HEPACAM2: variants seen among roughly 807,000 people sequenced by gnomAD.
HEPACAM2 encodes the protein HEPACAM family member 2.
In HEPACAM2, 49 loss-of-function variants were observed where a neutral mutation model predicts 49.6. That is an observed-to-expected ratio of 0.99 (90% CI 0.78 to 1.25). The LOEUF is 1.25. Ranked by LOEUF, HEPACAM2 falls within the 50% of genes most tolerant of loss-of-function variation. The pLI is 0.00. For synonymous variants in HEPACAM2, 197 were observed against 202.9 expected, an observed-to-expected ratio of 0.97 and a Z score of 0.25; for missense variants, 525 against 557.2, an observed-to-expected ratio of 0.94 and a Z score of 0.58.
In HEPACAM2 at chr7:93,198,267, C is replaced by A. The variant is rs181601659; in HGVS notation, c.1013-657G>T. Among the ~76,000 whole-genome samples, 1,027 of 152,114 alleles carry A rather than the reference C, an allele frequency of 6.8e-3. 2 individuals are homozygous for A. Among genetic ancestry groups the A allele is most frequent in the Non-Finnish European group, 0.011 (775 of 67,970 alleles). On this transcript the variant is annotated intron_variant, in intron 4 of 9. Transcript: ENST00000394468. ...TTTATTAATATCACTATATAAAATA[C>A]GGTGCTAATAACATCTGCTCTGTTC...
intron 4 of HEPACAM2, among the ~76,000 whole-genome samples, chr7:93,203,948 G>A (rs1793960614): frequency 2.0e-5 from 3 of 152,102 alleles, no homozygotes; most frequent in Admixed American, 1.3e-4. Flanking sequence ...TGCTCATGGA[G>A]ACATCACCTT....
intron 3 of HEPACAM2, among the ~76,000 whole-genome samples, chr7:93,213,264 T>C (rs1355289593): frequency 1.3e-5 from 2 of 152,134 alleles, no homozygotes; most frequent in East Asian, 3.9e-4. Flanking sequence ...TGCAAGTAGA[T>C]ACTTGTCTGA....
intron 4 of HEPACAM2, among the ~76,000 whole-genome samples, chr7:93,203,621 C>T (rs1205263065): frequency 6.6e-6 from 1 of 152,108 alleles, no homozygotes; most frequent in African/African-American, 2.4e-5. Context: ...AGTGCAAATG[C>T]TATTTGCCTC....
upstream of HEPACAM2, among the ~76,000 whole-genome samples, chr7:93,228,390 G>A (rs959443395): frequency 2.0e-4 from 30 of 152,136 alleles, no homozygotes; most frequent in African/African-American, 7.2e-4. Flanking sequence ...GGCACATCTA[G>A]GGAAAGGGCT....
At chr7:93,199,972 G>T (rs749051229) in intron 4 of HEPACAM2, among the ~76,000 whole-genome samples, 9 of 151,702 alleles carry the variant, frequency 5.9e-5, no homozygotes, top group Non-Finnish European at 1.3e-4. Context: ...TTTTCTAGTG[G>T]TGTTTCTATT....
intron 1 of HEPACAM2, among the ~76,000 whole-genome samples, chr7:93,220,457 G>A (rs1794426008): frequency 6.6e-6 from 1 of 152,194 alleles, no homozygotes; most frequent in Admixed American, 6.5e-5. Flanking sequence ...TTCTTGACTC[G>A]GACCAACTGG....
intron 4 of HEPACAM2, among the ~76,000 whole-genome samples, chr7:93,206,746 G>A (rs1794039334): frequency 6.6e-6 from 1 of 151,994 alleles, no homozygotes; most frequent in Admixed American, 6.6e-5. Context: ...AATGAACAGT[G>A]CATTTTCTTC....
chr7:93,200,954 C>G (rs1046632267), intron 4 of HEPACAM2, among the ~76,000 whole-genome samples: 2 of 152,072 alleles, frequency 1.3e-5, no homozygotes, highest in African/African-American at 4.8e-5. Context: ...CATACCCACA[C>G]TAACTCAGAC....
chr7:93,214,679 C>T (rs548739871), intron 3 of HEPACAM2, among the ~76,000 whole-genome samples: 1 of 152,072 alleles, frequency 6.6e-6, no homozygotes, highest in Non-Finnish European at 1.5e-5. Context: ...TTATGGTTTT[C>T]TCTCCCATTT....
rs146121392 is a variant in HEPACAM2 at position 93,193,216 on chromosome 7, G to T, written c.1276-853C>A. The stretch of plus-strand genomic sequence containing the variant: ...TATCTCATGTTAATTTGACCTGCTA[G>T]GTTTTAGTGGAACATCTTAGCTTTT... On this transcript the variant is annotated intron_variant, in intron 8 of 9. Transcript: ENST00000394468. 3.9e-5 allele frequency among the ~76,000 whole-genome samples: 6 copies of T among 152,006 alleles called. No homozygotes were observed. In the East Asian group the frequency reaches 1.2e-3, roughly 29 times the overall value.
chr7:93,226,377 G>A lies in HEPACAM2; in HGVS notation c.70C>T (p.Leu24Phe), dbSNP rs1456814566. 6.2e-7 allele frequency: 1 copy of A among 1,611,310 alleles called. No homozygotes were observed. The highest frequency in any genetic ancestry group is 8.5e-7 in the Non-Finnish European group (1 of 1,177,966). ...LGVFQCKIYL[L>F]LFGACSGLKV... ...TCACACAGGGCCTTACCGAAGAGAA[G>A]GAGGTATATTTTGCACTGAAAGACC... The change falls in exon 1 of 10, where the codon CTT becomes TTT. Residue 24 changes from leucine to phenylalanine, a missense_variant. Physicochemically the swap from Leu to Phe is conservative, Grantham distance 22. Coordinates refer to ENST00000394468, the MANE Select transcript of HEPACAM2 (RefSeq NM_001039372.4).
intron 4 of HEPACAM2, among the ~76,000 whole-genome samples, chr7:93,205,960 G>A (rs769930617): frequency 1.3e-5 from 2 of 152,004 alleles, no homozygotes; most frequent in Non-Finnish European, 2.9e-5. Flanking sequence ...AGGTCAAACA[G>A]GTTTTTTAGA....
intron 4 of HEPACAM2, among the ~76,000 whole-genome samples, chr7:93,200,088 C>T (rs940584097): frequency 6.6e-6 from 1 of 151,626 alleles, no homozygotes; most frequent in African/African-American, 2.4e-5. Context: ...GTGTATTCTG[C>T]TGTTGTTGTA....
intron 2 of HEPACAM2, among the ~76,000 whole-genome samples, chr7:93,217,911 TG>T (rs771017873): frequency 4.0e-5 from 6 of 149,174 alleles, no homozygotes; most frequent in African/African-American, 9.8e-5. Context: ...TGTGTGTGTG[TG>T]TGTTGGAGAA....
intron 1 of HEPACAM2, 135 bp downstream of exon 1, chr7:93,226,230 GTTA>G (rs774181265): frequency 3.7e-5 from 23 of 623,936 alleles, no homozygotes; most frequent in Non-Finnish European, 5.6e-5. Flanking sequence ...GTAACAGTGT[GTTA>G]TTGTTAAAAG....
chr7:93,190,040 A>G (rs929993589), intron 9 of HEPACAM2, among the ~76,000 whole-genome samples: 1 of 152,044 alleles, frequency 6.6e-6, no homozygotes, highest in Non-Finnish European at 1.5e-5. Context: ...TTTAGTTAAA[A>G]TAAGTAAACA....
At chr7:93,189,600 T>C (rs1793490279) in intron 9 of HEPACAM2, among the ~76,000 whole-genome samples, 1 of 151,884 alleles carries the variant, frequency 6.6e-6, no homozygotes, top group Non-Finnish European at 1.5e-5. Flanking sequence ...CAGCCATAAG[T>C]TCACTAAATA....
chr7:93,213,514 C>T (rs950840428), intron 3 of HEPACAM2, among the ~76,000 whole-genome samples: 9 of 152,042 alleles, frequency 5.9e-5, no homozygotes, highest in Admixed American at 1.3e-4. Flanking sequence ...AAGCTGTCAC[C>T]TTATAATGAG....
In HEPACAM2 at chr7:93,219,289, A is replaced by G; in HGVS notation, c.242T>C (p.Leu81Pro). The G allele has an allele frequency of 6.2e-7, 1 of 1,614,030 alleles. No homozygotes were observed. Among genetic ancestry groups the G allele is most frequent in the Non-Finnish European group, 8.5e-7 (1 of 1,179,954 alleles). ...ERPHTMPKYLLGSVNKSVVPD... is the reference protein window; with the variant it reads ...ERPHTMPKYLPGSVNKSVVPD... ...AACCACAGACTTATTCACAGAGCCCAGTAAGTATTTGGGCATTGTGTGGGG... is the reference window on the plus strand; with the variant it reads ...AACCACAGACTTATTCACAGAGCCCGGTAAGTATTTGGGCATTGTGTGGGG... The change falls in exon 2 of 10, where the codon CTG (leucine) becomes CCG (proline). Residue 81 changes from leucine to proline, a missense_variant. Coordinates refer to ENST00000394468, the MANE Select transcript of HEPACAM2 (RefSeq NM_001039372.4).
Sources: allele counts gnomAD v4.1 joint callset (sites outside exome capture counted in the v4.1 genomes callset), GRCh38; gene constraint gnomAD v4.1.1; transcripts MANE v1.5; gene names NCBI Gene and HGNC (gene_info 2026-07-23, HGNC 2026-07-21).